The following CYFIP1 variants were observed in gnomAD, a reference collection of about 807,000 sequenced individuals.
CYFIP1 encodes cytoplasmic FMR1 interacting protein 1.
A neutral mutation model predicts 163.5 loss-of-function variants in CYFIP1; 58 were observed. The observed-to-expected ratio is 0.35, with a 90% CI of 0.29 to 0.44. CYFIP1 has a LOEUF of 0.44. CYFIP1 is among the 20% of genes least tolerant of loss of function. CYFIP1 has a pLI of 1.00. For synonymous variants in CYFIP1, 663 were observed against 660.7 expected (o/e 1.00, Z -0.05); for missense variants, 1,338 against 1,653.8 (o/e 0.81, Z 3.31).
intron 21 of CYFIP1, among the ~76,000 whole-genome samples, chr15:22,906,558 C>T (rs1004581862): frequency 6.0e-5 from 9 of 149,528 alleles, no homozygotes; most frequent in Non-Finnish European, 8.9e-5. Context: ...CTCCGCCTCC[C>T]GGGTTCACGC....
chr15:22,933,664 G>A, intron 10 of CYFIP1, 138 bp downstream of exon 10: 1 of 642,936 alleles, frequency 1.6e-6, no homozygotes, highest in Non-Finnish European at 2.7e-6. Context: ...ATGTGGCAAA[G>A]GCTGCAATAC....
At chr15:22,910,965 AG>A in intron 18 of CYFIP1, 152 bp from the exon 19 acceptor site, 1 of 680,566 alleles carries the variant, frequency 1.5e-6, no homozygotes, top group East Asian at 2.6e-5. Context: ...GCTGGAGCGC[AG>A]TAGTGCGATC....
At position 22,938,912 on chromosome 15, in the gene CYFIP1, G is replaced by A. The variant is rs891369946; in HGVS notation, c.795+280C>T. Among the ~76,000 whole-genome samples, 332 of 82,818 alleles carry A rather than the reference G, an allele frequency of 4.0e-3. 2 individuals carry two copies. The highest frequency in any genetic ancestry group is 0.014 in the African/African-American group (314 of 21,866). 54.3% of individuals were successfully genotyped at this position (82,818 alleles called of 152,430 possible). ...CAACACCCTGCCTTGAGAATAAAAC[G>A]AAAAGCAGCTTAAAAAAAAAAAAAA... On this transcript the variant is annotated intron_variant, in intron 8 of 30. Coordinates refer to ENST00000617928, the MANE Select transcript of CYFIP1 (RefSeq NM_014608.6).
rs762673898 is a variant in CYFIP1, at chr15:22,879,967, G to A, written c.2988C>T (p.Asn996=). The A allele has an allele frequency of 1.9e-6, 3 of 1,613,936 alleles. No individual in the cohort carries two copies. The highest frequency in any genetic ancestry group is 1.7e-5 in the Admixed American group (1 of 60,012). ...GGATGGCGTTCCCCACCTCCCGCAG[G>A]TTCTGGAAGCACACCGTCTTCAGCT... The part of the protein sequence containing the change: ...YAELKTVCFQ[N]LREVGNAILF... Residue 996 remains asparagine, a synonymous_variant, in exon 26 of 31, where the codon AAC becomes AAT. Coordinates refer to ENST00000617928, the MANE Select transcript of CYFIP1 (RefSeq NM_014608.6).
intron 23 of CYFIP1, among the ~76,000 whole-genome samples, chr15:22,886,876 G>A (rs2059939810): frequency 6.6e-6 from 1 of 152,194 alleles, no homozygotes; most frequent in African/African-American, 2.4e-5. Flanking sequence ...ACTAAAATGA[G>A]AGTTGAAGTC....
chr15:22,930,389 CAAA>C (rs35398202), intron 11 of CYFIP1, among the ~76,000 whole-genome samples: 13,538 of 114,214 alleles, frequency 0.12, 793 homozygotes, highest in African/African-American at 0.2. Flanking sequence ...CCGTCTCACC[CAAA>C]AAAAAAAAAA....
At chr15:22,875,885 C>CATAT (rs10640110) in intron 26 of CYFIP1, among the ~76,000 whole-genome samples, 64,424 of 130,736 alleles carry the variant, frequency 0.49, 17,836 homozygotes, top group Non-Finnish European at 0.61. Flanking sequence ...TCCAGAATAA[C>CATAT]ATATATATAT....
chr15:22,869,392 G>C lies in CYFIP1; in HGVS notation c.*636C>G, dbSNP rs1379915283. On this transcript the variant is annotated 3_prime_UTR_variant, in exon 31 of 31. Coordinates refer to ENST00000617928, the MANE Select transcript of CYFIP1 (RefSeq NM_014608.6). The stretch of plus-strand genomic sequence containing the variant: ...AGGTGACCTCCATCCCAGCTGGCCT[G>C]GTATGTGAGTTCAGGTTAGAGTTCC... The C allele has an allele frequency of 6.6e-6, 1 of 152,190 alleles. No individual in the cohort carries two copies. The highest frequency in any genetic ancestry group is 1.5e-5 in the Non-Finnish European group (1 of 68,076). 9.4% of individuals were successfully genotyped at this position (152,190 alleles called of 1,614,324 possible).
chr15:22,887,444 A>G (rs2059955621), intron 23 of CYFIP1, among the ~76,000 whole-genome samples: 2 of 152,198 alleles, frequency 1.3e-5, no homozygotes, highest in South Asian at 4.1e-4. Flanking sequence ...TCTGTGTAAT[A>G]TTTTTGGTTG....
intron 23 of CYFIP1, 132 bp downstream of exon 23, chr15:22,892,758 T>C (rs1387187941): frequency 2.9e-6 from 2 of 684,362 alleles, no homozygotes; most frequent in African/African-American, 1.8e-5. Flanking sequence ...GTTAACAGAA[T>C]GGAAAAAAAA....
Position 22,870,053 on chromosome 15 carries a change from A to G in CYFIP1, c.3737T>C (p.Ile1246Thr). 1.2e-6 allele frequency: 2 copies of G among 1,607,884 alleles called. No individual in the cohort carries two copies. The highest frequency in any genetic ancestry group is 1.7e-6 in the Non-Finnish European group (2 of 1,178,124). Residue 1246 changes from isoleucine (I) to threonine (T), a missense_variant, in exon 31 of 31, where the codon ATC becomes ACC. This residue lies in a region of CYFIP1 where 306 missense variants were observed against 322.1 expected (regional missense o/e 0.95). Coordinates refer to ENST00000617928, the MANE Select transcript of CYFIP1 (RefSeq NM_014608.6). ...TCAGCTGCTGGCGAGGGACTGGTGG[A>G]TGGGCGGCTGGAAGCAGCGCACATG... ...VEHVRCFQPP[I>T]HQSLASS
chr15:22,892,370 C>T (rs1319085255), intron 23 of CYFIP1, among the ~76,000 whole-genome samples: 1 of 152,224 alleles, frequency 6.6e-6, no homozygotes, highest in Admixed American at 6.5e-5. Context: ...TCCTATCTCA[C>T]ACATGGTAGA....
At chr15:22,897,541 T>C (rs2060276192) in intron 22 of CYFIP1, among the ~76,000 whole-genome samples, 1 of 151,772 alleles carries the variant, frequency 6.6e-6, no homozygotes, top group African/African-American at 2.4e-5. Context: ...TGGAGTGCAG[T>C]CGCGCATTCT....
chr15:22,917,394 C>A lies in CYFIP1; in HGVS notation c.1674+394G>T. ...CAGTGGGCAGCTTAGGACCATGACA[C>A]ACGCAAGCAGCACCTCACAGTTTCC... On this transcript the variant is annotated intron_variant, in intron 15 of 30. Coordinates refer to ENST00000617928, the MANE Select transcript of CYFIP1 (RefSeq NM_014608.6). The surrounding 1 kb of genome is among the most constrained non-coding windows in gnomAD (Gnocchi z 4.2). 1.1e-6 allele frequency: 1 copy of A among 882,982 alleles called. No individual in the cohort carries two copies. The highest frequency in any genetic ancestry group is 1.5e-6 in the Non-Finnish European group (1 of 658,020). 54.7% of individuals were successfully genotyped at this position (882,982 alleles called of 1,614,324 possible).
intron 10 of CYFIP1, among the ~76,000 whole-genome samples, chr15:22,932,796 T>C (rs2061580446): frequency 6.6e-6 from 1 of 152,184 alleles, no homozygotes; most frequent in African/African-American, 2.4e-5. Flanking sequence ...TAGGGCCACA[T>C]TGTCTGCAGA....
At position 22,932,246 on chromosome 15, in the gene CYFIP1, G is replaced by T; in HGVS notation, c.1087C>A (p.Leu363Met). 1.2e-6 allele frequency: 2 copies of T among 1,612,258 alleles called. No homozygotes were observed. The highest frequency in any genetic ancestry group is 1.7e-6 in the Non-Finnish European group (2 of 1,179,118). ...ACCTCGCTGTTGCTGTAGCGCGCCA[G>T]CTCCGAAATGAAGCGCATGTGGTCC... ...REDHMRFISE[L>M]ARYSNSEVVT... Residue 363 changes from leucine to methionine, a missense_variant, in exon 11 of 31, where the codon CTG becomes ATG. Leu to Met is a conservative substitution (Grantham distance 15). Transcript: ENST00000617928.
At chr15:22,920,431 T>C (rs1004450946) in intron 13 of CYFIP1, among the ~76,000 whole-genome samples, 2 of 152,134 alleles carry the variant, frequency 1.3e-5, no homozygotes, top group African/African-American at 2.4e-5. Flanking sequence ...TCTATCACTT[T>C]CTGGTTTTAT....
At chr15:22,884,143 C>T (rs1192769737) in intron 23 of CYFIP1, among the ~76,000 whole-genome samples, 1 of 151,982 alleles carries the variant, frequency 6.6e-6, no homozygotes, top group East Asian at 1.9e-4. Flanking sequence ...ACAGCCAAAC[C>T]TTATCATTCT....
intron 22 of CYFIP1, among the ~76,000 whole-genome samples, chr15:22,893,896 G>C (rs2060148963): frequency 6.6e-6 from 1 of 152,226 alleles, no homozygotes; most frequent in African/African-American, 2.4e-5. Context: ...GTTATCTGCA[G>C]ATGTGTCTGC....
Sources: allele counts gnomAD v4.1 joint callset (sites outside exome capture counted in the v4.1 genomes callset), GRCh38; gene constraint gnomAD v4.1.1; regional missense constraint gnomAD v4.1.1; non-coding constraint Gnocchi (gnomAD v3.1); transcripts MANE v1.5; gene names NCBI Gene and HGNC (gene_info 2026-07-23, HGNC 2026-07-21).